Variants in TG observed in about 807,000 individuals in gnomAD.
TG encodes thyroglobulin.
TG carries 270 observed loss-of-function variants against 324.7 expected under a neutral mutation model. The observed-to-expected ratio is 0.83, with a 90% CI of 0.75 to 0.92. The LOEUF is 0.92. TG is among the 40% of genes least tolerant of loss of function. TG has a pLI of 0.00. For missense variants in TG, 3,591 were observed against 3,456.4 expected (o/e 1.04, Z -0.98); for synonymous variants, 1,401 against 1,327.0 (o/e 1.06, Z -1.21).
chr8:132,941,241 T>C, intron 25 of TG, 110 bp from the exon 26 acceptor site: 1 of 1,321,676 alleles, frequency 7.6e-7, no homozygotes, highest in Non-Finnish European at 1.1e-6. Flanking sequence ...ACACGCTGCC[T>C]GGAGCACTGT....
chr8:132,871,441 C>T lies in TG; in HGVS notation c.368C>T (p.Ser123Leu). 1.2e-6 allele frequency: 2 copies of T among 1,614,216 alleles called. No individual in the cohort carries two copies. Residue 123 changes from serine (S) to leucine (L), a missense_variant, in exon 4 of 48, where the codon TCA becomes TTA. Coordinates refer to ENST00000220616, the MANE Select transcript of TG (RefSeq NM_003235.5). Reference protein sequence around the residue: ...DTSYLPQCQDSGDYAPVQCDV... With the variant: ...DTSYLPQCQDLGDYAPVQCDV... ...TCCTACCTCCCTCAGTGTCAGGATT[C>T]AGGGGACTACGCGCCTGTTCAGTGT...
At chr8:133,029,458 G>A (rs1836415664) in intron 40 of TG, among the ~76,000 whole-genome samples, 1 of 152,224 alleles carries the variant, frequency 6.6e-6, no homozygotes, top group Non-Finnish European at 1.5e-5. Flanking sequence ...GGCCAAGACA[G>A]TGGTGGACCT....
intron 35 of TG, among the ~76,000 whole-genome samples, chr8:132,986,380 GTGTGTATA>G (rs1564041463): frequency 0.017 from 756 of 44,200 alleles, 9 homozygotes; most frequent in Middle Eastern, 0.048. Flanking sequence ...GTATATATAT[GTGTGTATA>G]TATGTGTATA....
chr8:132,873,278 C>T, intron 5 of TG, 57 bp downstream of exon 5: 2 of 1,599,546 alleles, frequency 1.3e-6, no homozygotes, highest in Non-Finnish European at 1.7e-6. Context: ...AGCCCACACT[C>T]ACCTTGAGCT....
At chr8:132,952,532 T>A (rs1826256493) in intron 27 of TG, among the ~76,000 whole-genome samples, 1 of 152,132 alleles carries the variant, frequency 6.6e-6, no homozygotes, top group Non-Finnish European at 1.5e-5. Flanking sequence ...GGACTTCGGG[T>A]GCAGACACCT....
chr8:133,101,203 G>A (rs1332085560), intron 43 of TG, among the ~76,000 whole-genome samples: 1 of 152,132 alleles, frequency 6.6e-6, no homozygotes, highest in Non-Finnish European at 1.5e-5. Context: ...GAGATCCTCA[G>A]GATTCTACCC....
intron 41 of TG, chr8:133,050,082 T>G (rs2702972): frequency 0.19 from 159,374 of 844,046 alleles, 21,071 homozygotes; most frequent in East Asian, 0.55. Context: ...CCCAGGACAG[T>G]TTGGAACATT....
intron 41 of TG, among the ~76,000 whole-genome samples, chr8:133,073,992 AC>A (rs1175909514): frequency 6.6e-6 from 1 of 151,950 alleles, no homozygotes; most frequent in Non-Finnish European, 1.5e-5. Flanking sequence ...ACCTCCTGAC[AC>A]CCCCATGCAC....
intron 41 of TG, among the ~76,000 whole-genome samples, chr8:133,067,914 GGA>G (rs541078720): frequency 1.4e-4 from 3 of 20,804 alleles, no homozygotes; most frequent in East Asian, 8.1e-4. Context: ...AAGGAAGGAA[GGA>G]AAGAGAGAGA....
chr8:132,943,683 G>T (rs1005419861), intron 26 of TG, among the ~76,000 whole-genome samples: 1 of 152,012 alleles, frequency 6.6e-6, no homozygotes, highest in Non-Finnish European at 1.5e-5. Flanking sequence ...TGCCTTTCCG[G>T]TTGCTCTCCT....
At chr8:132,957,764 C>CACACACACAG (rs1827121878) in intron 27 of TG, among the ~76,000 whole-genome samples, 5 of 135,416 alleles carry the variant, frequency 3.7e-5, no homozygotes, top group African/African-American at 1.6e-4. Flanking sequence ...CACACACACA[C>CACACACACAG]ACACACACAC....
chr8:132,922,204 G>A (rs1397946364), intron 21 of TG, among the ~76,000 whole-genome samples: 1 of 152,216 alleles, frequency 6.6e-6, no homozygotes, highest in Non-Finnish European at 1.5e-5. Flanking sequence ...TGTTATAGCA[G>A]CTTGTGAGAG....
At chr8:133,036,010 A>G (rs1003896461) in intron 41 of TG, among the ~76,000 whole-genome samples, 1 of 151,752 alleles carries the variant, frequency 6.6e-6, no homozygotes, top group Non-Finnish European at 1.5e-5. Context: ...CTCCTTCCCT[A>G]GCTCCCTCAG....
intron 44 of TG, 66 bp downstream of exon 44, chr8:133,113,669 TC>T (rs1483998477): frequency 1.3e-6 from 2 of 1,564,484 alleles, no homozygotes; most frequent in Non-Finnish European, 1.7e-6. Flanking sequence ...CAGTTGGTGT[TC>T]AGGTCATGAA....
intron 5 of TG, among the ~76,000 whole-genome samples, chr8:132,881,501 G>C (rs905973359): frequency 6.6e-6 from 1 of 152,152 alleles, no homozygotes; most frequent in African/African-American, 2.4e-5. Flanking sequence ...CTTTAGTCTC[G>C]AGAGCTGTAT....
intron 36 of TG, 60 bp from the exon 37 acceptor site, chr8:133,013,540 T>A (rs1834722369): frequency 6.2e-7 from 1 of 1,602,634 alleles, no homozygotes; most frequent in East Asian, 2.2e-5. Flanking sequence ...ACTGGAAGAA[T>A]GCATGAGTGA....
Position 132,941,766 on chromosome 8 carries a change from C to T in TG, c.5233+224C>T, listed in dbSNP as rs536881949. On this transcript the variant is annotated intron_variant, in intron 26 of 47. Transcript: ENST00000220616. ...TTCACCTTGTAATACTGGTTTATTC[C>T]TTTCTGCTGTCTTTACGGGGCATAT... Among the ~76,000 whole-genome samples the T allele has an allele frequency of 3.9e-5, 6 of 152,316 alleles. No homozygotes were observed. In the South Asian group the frequency reaches 1.2e-3, roughly 32 times the overall value.
At chr8:133,107,840 T>A (rs2979030) in intron 43 of TG, among the ~76,000 whole-genome samples, 43,776 of 152,048 alleles carry the variant, frequency 0.29, 6,571 homozygotes, top group African/African-American at 0.34. Context: ...AGATCATTTT[T>A]TGCAAGAGAG....
At chr8:133,021,906 T>A in intron 39 of TG, 85 bp from the exon 40 acceptor site, 2 of 1,548,012 alleles carry the variant, frequency 1.3e-6, no homozygotes, top group Non-Finnish European at 8.9e-7. Context: ...GCCAGAGGAG[T>A]CCTGTGTCAA....
Sources: allele counts gnomAD v4.1 joint callset (sites outside exome capture counted in the v4.1 genomes callset), GRCh38; gene constraint gnomAD v4.1.1; transcripts MANE v1.5; gene names NCBI Gene and HGNC (gene_info 2026-07-23, HGNC 2026-07-21).